ABCB4: variants seen among roughly 807,000 people sequenced by gnomAD.
ABCB4 encodes phosphatidylcholine translocator ABCB4.
In ABCB4, 76 loss-of-function variants were observed where a neutral mutation model predicts 145.7. The ratio of observed to expected loss-of-function variants is 0.52; its 90% CI spans 0.43 to 0.63. ABCB4 has a LOEUF of 0.63. Ranked by LOEUF, ABCB4 falls within the 30% of genes least tolerant of loss-of-function variation. The pLI, the probability that ABCB4 is intolerant of heterozygous loss-of-function variation, is 0.00. For synonymous variants in ABCB4, 517 were observed against 566.8 expected (o/e 0.91, Z 1.25); for missense variants, 1,234 against 1,553.1 (o/e 0.79, Z 3.45).
At chr7:87,393,048 T>C in the ABCB4 span, 2 of 1,613,494 alleles carry the variant, frequency 1.2e-6, no homozygotes, top group South Asian at 2.2e-5. Context: ...TGGATTTTTC[T>C]ACCATATCAG....
At chr7:87,421,748 T>C (rs1336834227) in intron 18 of ABCB4, among the ~76,000 whole-genome samples, 1 of 152,206 alleles carries the variant, frequency 6.6e-6, no homozygotes, top group Non-Finnish European at 1.5e-5. Flanking sequence ...AGTTCATCAA[T>C]TAAGTAGGAA....
intron 6 of ABCB4, among the ~76,000 whole-genome samples, chr7:87,452,132 G>A (rs537947617): frequency 6.6e-6 from 1 of 152,190 alleles, no homozygotes; most frequent in Non-Finnish European, 1.5e-5. Context: ...AACAGTAGTA[G>A]GGAAGTATTA....
the ABCB4 span, among the ~76,000 whole-genome samples, chr7:87,370,450 T>G: frequency 6.6e-6 from 1 of 152,236 alleles, no homozygotes; most frequent in Non-Finnish European, 1.5e-5. Context: ...CCCAAAGTGC[T>G]GGGATTACAG....
At chr7:87,381,390 T>C in the ABCB4 span, among the ~76,000 whole-genome samples, 457 of 152,308 alleles carry the variant, frequency 3.0e-3, 1 homozygote, top group Non-Finnish European at 4.8e-3. Context: ...TTTCTTAAAC[T>C]GAGAATTATC....
At chr7:87,394,987 GA>G in the ABCB4 span, among the ~76,000 whole-genome samples, 13 of 148,658 alleles carry the variant, frequency 8.7e-5, no homozygotes, top group East Asian at 3.9e-4. Context: ...GCCCTATTCT[GA>G]AAAAAAAAAT....
chr7:87,392,534 G>T, the ABCB4 span: 3 of 1,573,054 alleles, frequency 1.9e-6, no homozygotes, highest in African/African-American at 4.1e-5. Context: ...TGCACAGTGT[G>T]TTATTGAAGT....
At chr7:87,369,176 G>C in the ABCB4 span, among the ~76,000 whole-genome samples, 1 of 152,136 alleles carries the variant, frequency 6.6e-6, no homozygotes. Context: ...GTCTCACATG[G>C]AACAAGTGTC....
the ABCB4 span, among the ~76,000 whole-genome samples, chr7:87,396,574 A>G: frequency 2.6e-5 from 4 of 152,106 alleles, no homozygotes; most frequent in African/African-American, 9.7e-5. Context: ...AAAGATAGAA[A>G]TTACAATGTA....
intron 23 of ABCB4, among the ~76,000 whole-genome samples, chr7:87,409,965 A>C (rs1808490587): frequency 6.6e-6 from 1 of 152,210 alleles, no homozygotes; most frequent in African/African-American, 2.4e-5. Flanking sequence ...CTATGCTATC[A>C]GTTATTATGC....
At chr7:87,383,033 C>T in the ABCB4 span, among the ~76,000 whole-genome samples, 10 of 152,220 alleles carry the variant, frequency 6.6e-5, no homozygotes, top group Non-Finnish European at 1.3e-4. Context: ...TTTTTTGATA[C>T]ATGCATAAAA....
chr7:87,453,008 G>A lies in ABCB4; in HGVS notation c.472C>T (p.Leu158=). Reference sequence around the variant, plus strand: ...TCAAACCATCCTATTTCCTGTCGTAGAATAGCATGAAAAAACTTCTGCCTA... The same window carrying A: ...TCAAACCATCCTATTTCCTGTCGTAAAATAGCATGAAAAAACTTCTGCCTA... The part of the protein sequence containing the change: ...KIRQKFFHAI[L]RQEIGWFDIN... Residue 158 remains leucine, a synonymous_variant, in exon 6 of 28, where the codon CTA becomes TTA. Coordinates refer to ENST00000649586, the MANE Select transcript of ABCB4 (RefSeq NM_000443.4). 1 of 1,614,018 alleles carries A rather than the reference G, an allele frequency of 6.2e-7. No homozygotes were observed. The highest frequency in any genetic ancestry group is 8.5e-7 in the Non-Finnish European group (1 of 1,180,006).
intron 14 of ABCB4, among the ~76,000 whole-genome samples, chr7:87,435,212 T>TAA (rs1369536059): frequency 2.0e-5 from 3 of 152,188 alleles, no homozygotes; most frequent in African/African-American, 7.2e-5. Flanking sequence ...AATAAAGGGT[T>TAA]TATCTTTAAA....
At chr7:87,418,082 G>T (rs1439009935) in intron 20 of ABCB4, among the ~76,000 whole-genome samples, 1 of 152,198 alleles carries the variant, frequency 6.6e-6, no homozygotes, top group Non-Finnish European at 1.5e-5. Flanking sequence ...ACCCACCTCA[G>T]CTAAAGGGGT....
the ABCB4 span, among the ~76,000 whole-genome samples, chr7:87,377,975 T>C: frequency 1.3e-5 from 2 of 152,154 alleles, no homozygotes; most frequent in African/African-American, 4.8e-5. Flanking sequence ...TCCCCTCCCA[T>C]GGACATCTTC....
chr7:87,462,559 CA>C (rs934105245), intron 4 of ABCB4, among the ~76,000 whole-genome samples, 198 bp downstream of exon 4: 1 of 152,172 alleles, frequency 6.6e-6, no homozygotes, highest in Non-Finnish European at 1.5e-5. Context: ...AGTCAAACAA[CA>C]ATACACATAT....
intron 11 of ABCB4, 96 bp from the exon 12 acceptor site, chr7:87,443,540 A>G: frequency 6.4e-7 from 1 of 1,555,732 alleles, no homozygotes; most frequent in Non-Finnish European, 8.8e-7. Flanking sequence ...AAAGTATCAA[A>G]TAAGGGAATA....
Position 87,426,766 on chromosome 7 carries a change from A to C in ABCB4, c.2048T>G (p.Val683Gly), listed in dbSNP as rs1288764002. Residue 683 changes from valine to glycine, a missense_variant, in exon 16 of 28, where the codon GTG (valine) becomes GGG (glycine). By Grantham distance (109) the Val-to-Gly change is moderately radical. Coordinates refer to ENST00000649586, the MANE Select transcript of ABCB4 (RefSeq NM_000443.4). ...ACAACTTACAAGTCCATCGGTTTCC[A>C]CATCAAGGCTCTTCTGACACATTTG... ...NSQMCQKSLD[V>G]ETDGLEANVP... is the part of the protein sequence containing the mutation. The C allele has an allele frequency of 6.2e-7, 1 of 1,613,974 alleles. No homozygotes were observed. Among genetic ancestry groups the C allele is most frequent in the Non-Finnish European group, 8.5e-7 (1 of 1,179,882 alleles).
the ABCB4 span, chr7:87,369,673 AAT>A: frequency 7.4e-6 from 2 of 269,018 alleles, no homozygotes; most frequent in Non-Finnish European, 1.4e-5. Context: ...GACATATATA[AAT>A]ATGTTCACTT....
chr7:87,452,506 G>A (rs1273396756), intron 6 of ABCB4: 2 of 214,890 alleles, frequency 9.3e-6, no homozygotes, highest in Non-Finnish European at 1.8e-5. Flanking sequence ...TCTGTGCTTT[G>A]TTCACTGATA....
Sources: gnomAD v4.1 joint callset for allele counts (sites outside exome capture counted in the v4.1 genomes callset) on GRCh38, gnomAD v4.1.1 for gene constraint, MANE v1.5 for transcripts, NCBI Gene and HGNC (gene_info 2026-07-23, HGNC 2026-07-21) for gene names.